Variants in PKP4 observed in about 807,000 individuals in gnomAD.
PKP4 encodes plakophilin 4, also known as plakophilin-4.
Under a neutral mutation model 145.1 loss-of-function variants are expected in PKP4, and 90 were observed. The ratio of observed to expected loss-of-function variants is 0.62; its 90% CI spans 0.52 to 0.74. The LOEUF (loss-of-function observed/expected upper bound fraction) is 0.74, where lower values mean the gene tolerates loss of function less well. Among genes scored for constraint, PKP4 ranks in the 30% least tolerant of loss-of-function variants. PKP4 has a pLI of 0.00. For synonymous variants in PKP4, 563 were observed against 577.2 expected (o/e 0.98, Z 0.35); for missense variants, 1,340 against 1,482.7 (o/e 0.90, Z 1.58).
rs557721502 is a variant in PKP4, at chr2:158,624,866, C to T, written c.604-12C>T. ...GATAAACCCATTCTCTTTTTTCCCC[C>T]CCTTTCATCAGCCATCAGTAGCCAA... is the stretch of plus-strand genomic sequence containing the variant. On this transcript the variant is annotated splice_polypyrimidine_tract_variant and intron_variant, in intron 6 of 21. Coordinates refer to ENST00000389759, the MANE Select transcript of PKP4 (RefSeq NM_003628.6). 2.6e-6 allele frequency: 4 copies of T among 1,548,922 alleles called. No individual in the cohort carries two copies. In the East Asian group the frequency reaches 9.1e-5, roughly 35 times the overall value.
chr2:158,535,388 A>T (rs1171028092), intron 2 of PKP4, among the ~76,000 whole-genome samples: 1 of 152,172 alleles, frequency 6.6e-6, no homozygotes, highest in Non-Finnish European at 1.5e-5. Context: ...CCAAAAGAGC[A>T]ATATTCTTAA....
intron 1 of PKP4, among the ~76,000 whole-genome samples, chr2:158,528,661 T>TTA (rs1355023608): frequency 1.2e-5 from 1 of 86,086 alleles, no homozygotes; most frequent in Non-Finnish European, 2.2e-5. Context: ...AAAAGAAACT[T>TTA]ACTAAATGAA....
At chr2:158,535,709 G>C (rs2105639712) in intron 2 of PKP4, among the ~76,000 whole-genome samples, 1 of 152,256 alleles carries the variant, frequency 6.6e-6, no homozygotes, top group East Asian at 1.9e-4. Flanking sequence ...GTGTGAGCCA[G>C]TGTACCTGGC....
chr2:158,616,915 A>G (rs904342367), intron 4 of PKP4, among the ~76,000 whole-genome samples: 1 of 152,172 alleles, frequency 6.6e-6, no homozygotes, highest in African/African-American at 2.4e-5. Context: ...TACTAAGCAT[A>G]TCTTCATGCA....
At chr2:158,545,317 C>T (rs1488628034) in intron 2 of PKP4, among the ~76,000 whole-genome samples, 5 of 152,060 alleles carry the variant, frequency 3.3e-5, no homozygotes, top group African/African-American at 1.2e-4. Context: ...CCACCAGCAG[C>T]AGTGTTCCCT....
intron 1 of PKP4, among the ~76,000 whole-genome samples, chr2:158,501,942 G>GCTCC (rs1696646979): frequency 6.6e-6 from 1 of 152,160 alleles, no homozygotes; most frequent in Non-Finnish European, 1.5e-5. Context: ...TTTCCTGAAT[G>GCTCC]TGTGCCTCAG....
intron 11 of PKP4, among the ~76,000 whole-genome samples, chr2:158,654,642 T>G (rs2055735920): frequency 1.3e-5 from 2 of 152,156 alleles, no homozygotes; most frequent in African/African-American, 4.8e-5. Context: ...ACCATCTGTT[T>G]TGGTCTCAAT....
intron 11 of PKP4, among the ~76,000 whole-genome samples, chr2:158,643,187 G>A (rs2054467411): frequency 6.6e-6 from 1 of 152,160 alleles, no homozygotes; most frequent in Non-Finnish European, 1.5e-5. Flanking sequence ...GATTGGTGAG[G>A]AACACAGGTG....
At chr2:158,669,461 A>T (rs1168604231) in intron 16 of PKP4, 1 of 309,484 alleles carries the variant, frequency 3.2e-6, no homozygotes, top group East Asian at 5.0e-5. Flanking sequence ...TTACGCATTG[A>T]TTTACATTTG....
chr2:158,506,357 A>G (rs2040975417), intron 1 of PKP4, among the ~76,000 whole-genome samples: 1 of 152,230 alleles, frequency 6.6e-6, no homozygotes, highest in African/African-American at 2.4e-5. Flanking sequence ...TCCCAAGGGT[A>G]TTTAAGTAAA....
chr2:158,658,541 A>C, intron 12 of PKP4: 1 of 410,650 alleles, frequency 2.4e-6, no homozygotes, highest in South Asian at 5.8e-5. Context: ...CTTACTCAGA[A>C]AGGCCCTTTC....
At chr2:158,534,376 A>C (rs149803650) in intron 2 of PKP4, among the ~76,000 whole-genome samples, 2 of 152,290 alleles carry the variant, frequency 1.3e-5, no homozygotes, top group African/African-American at 4.8e-5. Flanking sequence ...CAAGATGTCA[A>C]CATTTTTTTT....
At chr2:158,532,586 T>C (rs2043663033) in intron 1 of PKP4, among the ~76,000 whole-genome samples, 1 of 152,236 alleles carries the variant, frequency 6.6e-6, no homozygotes, top group Non-Finnish European at 1.5e-5. Flanking sequence ...ACAAACACAC[T>C]GCTCTCACTA....
Position 158,482,695 on chromosome 2 carries a change from G to A in PKP4, c.-6+25477G>A, listed in dbSNP as rs938136486. 1.2e-4 allele frequency among the ~76,000 whole-genome samples: 18 copies of A among 152,172 alleles called. 1 individual carries two copies. Among genetic ancestry groups the A allele is most frequent in the Admixed American group, 9.2e-4 (14 of 15,280 alleles). On this transcript the variant is annotated intron_variant, in intron 1 of 21. Transcript: ENST00000389759. Reference sequence around the variant, plus strand: ...TACAAAAAATAAGCAAATTAACTGGGTGTGGTGGCTTTTGCCTGTAGTTCC... The same window carrying A: ...TACAAAAAATAAGCAAATTAACTGGATGTGGTGGCTTTTGCCTGTAGTTCC...
At chr2:158,563,632 G>A (rs1400906568) in intron 2 of PKP4, among the ~76,000 whole-genome samples, 1 of 151,808 alleles carries the variant, frequency 6.6e-6, no homozygotes, top group African/African-American at 2.4e-5. Context: ...TATTTGATTG[G>A]TTGGTTTTGT....
intron 3 of PKP4, among the ~76,000 whole-genome samples, chr2:158,578,682 A>G (rs1372388024): frequency 1.3e-5 from 2 of 152,232 alleles, no homozygotes; most frequent in African/African-American, 4.8e-5. Flanking sequence ...ATATTTTAAT[A>G]GAAAAGTAAT....
At chr2:158,492,765 T>C (rs1695131755) in intron 1 of PKP4, among the ~76,000 whole-genome samples, 1 of 152,252 alleles carries the variant, frequency 6.6e-6, no homozygotes, top group Admixed American at 6.5e-5. Flanking sequence ...TTAACATTAC[T>C]ATTTTCTTCT....
chr2:158,639,324 G>GTGTC lies in PKP4; in HGVS notation c.1563-1300_1563-1299insCTGT, dbSNP rs1220026573. Among the ~76,000 whole-genome samples, 15 of 150,764 alleles carry GTGTC rather than the reference G, an allele frequency of 9.9e-5. No homozygotes were observed. In the South Asian group the frequency reaches 3.1e-3, roughly 32 times the overall value. ...TTCACTAACTGAACGCATGAGGGGTGTGTGTGTGTGTGTGTGTGCGTGCGT... is the reference window on the plus strand; with the variant it reads ...TTCACTAACTGAACGCATGAGGGGTGTGTCTGTGTGTGTGTGTGTGTGCGTGCGT... On this transcript the variant is annotated intron_variant, in intron 9 of 21. Coordinates refer to ENST00000389759, the MANE Select transcript of PKP4 (RefSeq NM_003628.6).
chr2:158,560,066 C>T (rs528215382), intron 2 of PKP4, among the ~76,000 whole-genome samples: 1 of 152,114 alleles, frequency 6.6e-6, no homozygotes, highest in Non-Finnish European at 1.5e-5. Context: ...AGGGTTTCAC[C>T]ATGTTGGCCA....
Sources: allele counts gnomAD v4.1 joint callset (sites outside exome capture counted in the v4.1 genomes callset), GRCh38; gene constraint gnomAD v4.1.1; transcripts MANE v1.5; gene names NCBI Gene and HGNC (gene_info 2026-07-23, HGNC 2026-07-21).